The following MSI2 variants were observed in gnomAD, a reference collection of about 807,000 sequenced individuals.
MSI2 encodes RNA-binding protein Musashi homolog 2.
MSI2 carries 17 observed loss-of-function variants against 45.6 expected under a neutral mutation model. The observed-to-expected ratio is 0.37, with a 90% CI of 0.26 to 0.56. MSI2 has a LOEUF of 0.56. MSI2 is among the 20% of genes least tolerant of loss of function. The pLI is 0.77. For missense variants in MSI2, 293 were observed against 444.2 expected (o/e 0.66, Z 3.06); for synonymous variants, 156 against 158.2 (o/e 0.99, Z 0.11).
chr17:57,510,243 G>A (rs1021766074), intron 6 of MSI2, among the ~76,000 whole-genome samples: 4 of 151,920 alleles, frequency 2.6e-5, no homozygotes, highest in African/African-American at 9.7e-5. Context: ...GGGTGCCTGG[G>A]CCCCTGAGGC....
chr17:57,543,246 C>A (rs1289520844), intron 7 of MSI2, among the ~76,000 whole-genome samples: 1 of 152,204 alleles, frequency 6.6e-6, no homozygotes, highest in South Asian at 2.1e-4. Flanking sequence ...ACCCAGCAAA[C>A]TAATGAGAAT....
At chr17:57,621,250 C>T (rs553814936) in intron 9 of MSI2, among the ~76,000 whole-genome samples, 1 of 152,206 alleles carries the variant, frequency 6.6e-6, no homozygotes, top group South Asian at 2.1e-4. Context: ...CTACCATCCT[C>T]ACCAACAGCA....
At chr17:57,574,847 T>C (rs2087976692) in intron 7 of MSI2, among the ~76,000 whole-genome samples, 1 of 150,234 alleles carries the variant, frequency 6.7e-6, no homozygotes, top group Admixed American at 6.6e-5. Flanking sequence ...TTTTTTTTTT[T>C]TGAGACGGAG....
chr17:57,463,514 C>A (rs956800966), intron 6 of MSI2, among the ~76,000 whole-genome samples: 1 of 152,128 alleles, frequency 6.6e-6, no homozygotes, highest in Admixed American at 6.5e-5. Context: ...GGCTTTGCCC[C>A]GCCCTCCCAG....
rs1002259155 is a variant in MSI2, at chr17:57,502,404, T to G, written c.406-27272T>G. ...GCCAAATTTCTCAGCCCTCTGGATTTCAGTTTCCTCATTGATAACATGGAG... is the reference window on the plus strand; with the variant it reads ...GCCAAATTTCTCAGCCCTCTGGATTGCAGTTTCCTCATTGATAACATGGAG... On this transcript the variant is annotated intron_variant, in intron 6 of 13. Coordinates refer to ENST00000284073, the MANE Select transcript of MSI2 (RefSeq NM_138962.4). 1.2e-4 allele frequency among the ~76,000 whole-genome samples: 18 copies of G among 151,864 alleles called. 1 individual carries two copies. The highest frequency in any genetic ancestry group is 4.4e-4 in the African/African-American group (18 of 41,338).
At chr17:57,371,886 A>G (rs1383947165) in intron 5 of MSI2, among the ~76,000 whole-genome samples, 2 of 151,514 alleles carry the variant, frequency 1.3e-5, no homozygotes, top group Non-Finnish European at 2.9e-5. Flanking sequence ...TATGAAAAAT[A>G]TATAAAGGAG....
At position 57,595,562 on chromosome 17, in the gene MSI2, G is replaced by C. The variant is rs998853907; in HGVS notation, c.455-1306G>C. ...GTGTACAGACAGCTGCCTTCCTGTT[G>C]CATCCTCGCATGGTAGAGAGAAAAA... On this transcript the variant is annotated intron_variant, in intron 7 of 13. Coordinates refer to ENST00000284073, the MANE Select transcript of MSI2 (RefSeq NM_138962.4). Among the ~76,000 whole-genome samples, 93 of 152,128 alleles carry C rather than the reference G, an allele frequency of 6.1e-4. 3 individuals carry two copies. The highest frequency in any genetic ancestry group is 7.3e-5 in the Non-Finnish European group (5 of 68,030).
At chr17:57,419,890 C>A (rs1479279843) in intron 6 of MSI2, among the ~76,000 whole-genome samples, 4 of 152,340 alleles carry the variant, frequency 2.6e-5, no homozygotes, top group African/African-American at 7.2e-5. Flanking sequence ...TGAGTCCGCA[C>A]TGCTGCCTCT....
rs1376866057 is a variant in MSI2, at chr17:57,611,270, G to T, written c.538-4700G>T. Among the ~76,000 whole-genome samples, 2 of 95,548 alleles carry T rather than the reference G, an allele frequency of 2.1e-5. 1 individual carries two copies. The highest frequency in any genetic ancestry group is 5.0e-5 in the Non-Finnish European group (2 of 39,678). The allele number at this position is 95,548 out of a possible 152,430, so 62.7% of individuals were successfully genotyped here. ...CTGCAGCAAGAGGCCTGGTCCCCAT[G>T]AGCACCACATTTGTTTTGTTTTAGA... is the stretch of plus-strand genomic sequence containing the variant. On this transcript the variant is annotated intron_variant, in intron 8 of 13. Transcript: ENST00000284073.
chr17:57,457,150 A>G (rs2085131335), intron 6 of MSI2, among the ~76,000 whole-genome samples: 1 of 152,246 alleles, frequency 6.6e-6, no homozygotes, highest in Non-Finnish European at 1.5e-5. Flanking sequence ...TGGAGATGTT[A>G]GAGAACACTC....
At chr17:57,433,546 T>C (rs1470528477) in intron 6 of MSI2, among the ~76,000 whole-genome samples, 1 of 152,210 alleles carries the variant, frequency 6.6e-6, no homozygotes, top group East Asian at 1.9e-4. Context: ...GAGACGTAAA[T>C]TCCTGGTGGT....
Position 57,429,295 on chromosome 17 carries a change from CTT to C in MSI2, c.405+27826_405+27827del, listed in dbSNP as rs572119275. On this transcript the variant is annotated intron_variant, in intron 6 of 13. Coordinates refer to ENST00000284073, the MANE Select transcript of MSI2 (RefSeq NM_138962.4). ...AAAAGGTTGGCCCCGGTTTTGGAAA[CTT>C]TGGGGTTTTGCGTGTGTCTAAAAAG... Among the ~76,000 whole-genome samples the C allele has an allele frequency of 2.6e-5, 4 of 152,260 alleles. No individual in the cohort carries two copies. The East Asian group carries it at 7.7e-4, about 29-fold the overall frequency.
intron 7 of MSI2, among the ~76,000 whole-genome samples, chr17:57,536,803 G>C (rs80111815): frequency 0.044 from 6,708 of 152,266 alleles, 478 homozygotes; most frequent in African/African-American, 0.15. Flanking sequence ...TTAGTCCGTA[G>C]TGTGATGTAA....
intron 7 of MSI2, among the ~76,000 whole-genome samples, chr17:57,577,608 C>T (rs916356664): frequency 6.6e-6 from 1 of 152,074 alleles, no homozygotes; most frequent in East Asian, 1.9e-4. Context: ...AATTCCAAAC[C>T]CTTTGAGGTA....
intron 3 of MSI2, 46 bp downstream of exon 3, chr17:57,257,593 T>C (rs1323310500): frequency 7.2e-7 from 1 of 1,397,368 alleles, no homozygotes; most frequent in Middle Eastern, 1.8e-4. Context: ...AGAACAAAGT[T>C]TAAGTTTTAT....
intron 7 of MSI2, among the ~76,000 whole-genome samples, chr17:57,584,813 A>C (rs2088301455): frequency 6.6e-6 from 1 of 150,972 alleles, no homozygotes; most frequent in South Asian, 2.1e-4. Flanking sequence ...TTTTAACCTA[A>C]ATGGATGCAC....
At chr17:57,496,407 C>T (rs1235109815) in intron 6 of MSI2, among the ~76,000 whole-genome samples, 2 of 152,200 alleles carry the variant, frequency 1.3e-5, no homozygotes, top group Non-Finnish European at 2.9e-5. Context: ...CCCTCTTGGC[C>T]CTGTCGAACC....
chr17:57,659,544 A>G (rs746146127), intron 11 of MSI2, among the ~76,000 whole-genome samples: 9 of 152,186 alleles, frequency 5.9e-5, no homozygotes, highest in Non-Finnish European at 1.2e-4. Context: ...CAGAATGGCC[A>G]TGTGACTTAT....
chr17:57,471,672 G>C (rs1304136535), intron 6 of MSI2, among the ~76,000 whole-genome samples: 2 of 152,124 alleles, frequency 1.3e-5, no homozygotes, highest in Non-Finnish European at 2.9e-5. Flanking sequence ...AGCTGAAGGC[G>C]TGCAGCTGCA....
Sources: allele counts gnomAD v4.1 joint callset (sites outside exome capture counted in the v4.1 genomes callset), GRCh38; gene constraint gnomAD v4.1.1; transcripts MANE v1.5; gene names NCBI Gene and HGNC (gene_info 2026-07-23, HGNC 2026-07-21).